Variants in DLG2 observed in about 807,000 individuals in gnomAD.
The protein encoded by DLG2 is discs large MAGUK scaffold protein 2.
A neutral mutation model predicts 132.5 loss-of-function variants in DLG2; 45 were observed. The ratio of observed to expected loss-of-function variants is 0.34; its 90% CI spans 0.27 to 0.44. The LOEUF (loss-of-function observed/expected upper bound fraction) is 0.44, where lower values mean the gene tolerates loss of function less well. Ranked by LOEUF, DLG2 falls within the 20% of genes least tolerant of loss-of-function variation. The probability of loss-of-function intolerance (pLI) is 1.00; values close to 1 mark genes in which losing one functional copy is unlikely to be tolerated. For synonymous variants in DLG2, 424 were observed against 419.6 expected, an observed-to-expected ratio of 1.01 and a Z score of -0.13; for missense variants, 1,045 against 1,196.9, an observed-to-expected ratio of 0.87 and a Z score of 1.87.
intron 21 of DLG2, among the ~76,000 whole-genome samples, chr11:83,491,874 C>G (rs1342082900): frequency 6.6e-6 from 1 of 151,542 alleles, no homozygotes; most frequent in African/African-American, 2.4e-5. Flanking sequence ...TCTTCTCTTC[C>G]CTTCTGAACT....
rs936724908 is a variant in DLG2, at chr11:84,277,672, T to C, written c.520-26381A>G. Among the ~76,000 whole-genome samples the C allele has an allele frequency of 1.4e-4, 22 of 151,854 alleles. No individual in the cohort carries two copies. In the East Asian group the frequency reaches 3.3e-3, roughly 23 times the overall value. On this transcript the variant is annotated intron_variant, in intron 7 of 27. Transcript: ENST00000376104. ...TCCATCTTTCACGAGAAAAAAAATA[T>C]AGCAAATTAAACCCAAAGTAGGCAA... is the stretch of plus-strand genomic sequence containing the variant.
At chr11:84,339,796 C>T (rs908366360) in intron 7 of DLG2, among the ~76,000 whole-genome samples, 8 of 152,188 alleles carry the variant, frequency 5.3e-5, no homozygotes, top group Non-Finnish European at 7.4e-5. Flanking sequence ...ATTGTTGCTA[C>T]ATGTACTTCT....
At chr11:85,583,063 T>TAC (rs1255813056) in intron 3 of DLG2, among the ~76,000 whole-genome samples, 3 of 133,246 alleles carry the variant, frequency 2.3e-5, no homozygotes, top group South Asian at 2.3e-4. Context: ...AAAAAATATA[T>TAC]ATATATATAT....
intron 7 of DLG2, among the ~76,000 whole-genome samples, chr11:84,504,352 C>A (rs2099232063): frequency 6.6e-6 from 1 of 152,130 alleles, no homozygotes; most frequent in African/African-American, 2.4e-5. Flanking sequence ...ATGCCAAATC[C>A]TACCTAACTA....
chr11:84,568,286 A>G lies in DLG2; in HGVS notation c.358-33555T>C, dbSNP rs898491082. Among the ~76,000 whole-genome samples, 14 of 152,174 alleles carry G rather than the reference A, an allele frequency of 9.2e-5. No individual in the cohort carries two copies. In the South Asian group the frequency reaches 2.9e-3, roughly 32 times the overall value. The stretch of plus-strand genomic sequence containing the variant: ...CATTTTGGGAGGCCAAGGCGGATGG[A>G]TCACTTGAGGACAGGAGTTCGAGAC... On this transcript the variant is annotated intron_variant, in intron 6 of 27. Coordinates refer to ENST00000376104, the MANE Select transcript of DLG2 (RefSeq NM_001142699.3).
intron 21 of DLG2, among the ~76,000 whole-genome samples, chr11:83,523,510 G>A (rs1293423380): frequency 2.0e-5 from 3 of 152,140 alleles, no homozygotes; most frequent in African/African-American, 7.2e-5. Context: ...GCAGGGCCCA[G>A]CTCTGCCACT....
intron 18 of DLG2, among the ~76,000 whole-genome samples, chr11:83,744,541 T>G (rs543162920): frequency 6.6e-6 from 1 of 152,342 alleles, no homozygotes; most frequent in East Asian, 1.9e-4. Flanking sequence ...TACACTTACA[T>G]ATATTCACTT....
At chr11:84,189,648 G>A (rs945725063) in intron 8 of DLG2, among the ~76,000 whole-genome samples, 4 of 152,110 alleles carry the variant, frequency 2.6e-5, no homozygotes, top group Non-Finnish European at 5.9e-5. Context: ...GCCATAAAAA[G>A]GAAAGAGATC....
intron 3 of DLG2, among the ~76,000 whole-genome samples, chr11:85,475,326 T>G (rs969248100): frequency 2.0e-5 from 3 of 151,904 alleles, no homozygotes; most frequent in Non-Finnish European, 4.4e-5. Flanking sequence ...CTACCTTCTA[T>G]AAACATTCTA....
At chr11:83,882,880 G>C (rs1473079122) in intron 15 of DLG2, among the ~76,000 whole-genome samples, 1 of 152,162 alleles carries the variant, frequency 6.6e-6, no homozygotes, top group Non-Finnish European at 1.5e-5. Context: ...TTCTTATAAA[G>C]GAGAATTAGG....
At chr11:84,113,935 T>C (rs1483206767) in intron 9 of DLG2, among the ~76,000 whole-genome samples, 3 of 152,116 alleles carry the variant, frequency 2.0e-5, no homozygotes, top group Admixed American at 6.6e-5. Flanking sequence ...GAAAACATTC[T>C]GCCTTTCTCC....
intron 11 of DLG2, among the ~76,000 whole-genome samples, chr11:84,042,559 T>C (rs77919002): frequency 0.012 from 1,827 of 152,018 alleles, 37 homozygotes; most frequent in African/African-American, 0.042. Flanking sequence ...ATTATATGTC[T>C]CTTGGTAGCA....
intron 3 of DLG2, among the ~76,000 whole-genome samples, chr11:85,587,874 T>C (rs1308908157): frequency 6.6e-6 from 1 of 152,200 alleles, no homozygotes; most frequent in Admixed American, 6.5e-5. Flanking sequence ...TTAGCATTTC[T>C]TGTGGTGCTG....
intron 2 of DLG2, among the ~76,000 whole-genome samples, chr11:85,611,643 C>T (rs1046836538): frequency 1.3e-5 from 2 of 152,306 alleles, no homozygotes; most frequent in South Asian, 2.1e-4. Context: ...GGCACTTACC[C>T]GAGCCTTATA....
chr11:85,069,537 A>C (rs2065471131), intron 6 of DLG2, among the ~76,000 whole-genome samples: 2 of 152,122 alleles, frequency 1.3e-5, no homozygotes, highest in African/African-American at 2.4e-5. Flanking sequence ...ATGCAGCCAA[A>C]AGACACATGA....
chr11:84,974,876 G>C (rs1019975375), intron 6 of DLG2, among the ~76,000 whole-genome samples: 2 of 152,184 alleles, frequency 1.3e-5, no homozygotes, highest in African/African-American at 4.8e-5. Flanking sequence ...AAATAAACAA[G>C]GGCAACCTTG....
intron 11 of DLG2, among the ~76,000 whole-genome samples, chr11:84,045,682 G>A (rs1193765476): frequency 6.6e-6 from 1 of 151,422 alleles, no homozygotes; most frequent in Non-Finnish European, 1.5e-5. Flanking sequence ...TCTGTGTATT[G>A]TTACTTAGGT....
intron 3 of DLG2, among the ~76,000 whole-genome samples, chr11:85,398,750 C>A (rs1188226151): frequency 1.3e-5 from 2 of 152,018 alleles, no homozygotes; most frequent in African/African-American, 4.8e-5. Flanking sequence ...TCTGAATAAC[C>A]CAATAACAGG....
intron 18 of DLG2, among the ~76,000 whole-genome samples, chr11:83,665,161 A>C (rs944266290): frequency 6.6e-6 from 1 of 152,240 alleles, no homozygotes; most frequent in Non-Finnish European, 1.5e-5. Flanking sequence ...AGCTTGAAAG[A>C]GAGAAGGCTT....
Sources: allele counts gnomAD v4.1 joint callset (sites outside exome capture counted in the v4.1 genomes callset), GRCh38; gene constraint gnomAD v4.1.1; transcripts MANE v1.5; gene names NCBI Gene and HGNC (gene_info 2026-07-23, HGNC 2026-07-21).